FRY: variants seen among roughly 807,000 people sequenced by gnomAD.
FRY encodes FRY microtubule binding protein.
FRY carries 128 observed loss-of-function variants against 348.4 expected under a neutral mutation model. The observed-to-expected ratio is 0.37, with a 90% CI of 0.32 to 0.43. FRY has a LOEUF of 0.43. Ranked by LOEUF, FRY falls within the 20% of genes least tolerant of loss-of-function variation. FRY has a pLI of 1.00. For missense variants in FRY, 2,736 were observed against 3,695.2 expected (o/e 0.74, Z 6.73); for synonymous variants, 1,370 against 1,374.7 (o/e 1.00, Z 0.08).
intron 60 of FRY, 57 bp from the exon 61 acceptor site, chr13:32,295,145 G>A: frequency 1.3e-6 from 2 of 1,538,138 alleles, no homozygotes; most frequent in East Asian, 2.2e-5. Flanking sequence ...AGACTCATAA[G>A]CTCCCAACTT....
Position 32,237,742 on chromosome 13 carries a change from T to G in FRY, c.6174T>G (p.Phe2058Leu). The G allele has an allele frequency of 6.2e-7, 1 of 1,614,170 alleles. No individual in the cohort carries two copies. Among genetic ancestry groups the G allele is most frequent in the Non-Finnish European group, 8.5e-7 (1 of 1,180,030 alleles). ...CCTTGATGGAGTCTGATTTTGAGTT[T>G]GAATACTTAATGGCCTTAAGGCTGT... ...TVALMESDFE[F>L]EYLMALRLLS... Residue 2058 changes from phenylalanine to leucine, a missense_variant, in exon 44 of 61, where the codon TTT becomes TTG. By Grantham distance (22) the Phe-to-Leu change is conservative. This residue lies in a region of FRY where 789 missense variants were observed against 996.2 expected (regional missense o/e 0.79). Coordinates refer to ENST00000542859, the MANE Select transcript of FRY (RefSeq NM_023037.3). The surrounding 1 kb of genome is among the most constrained non-coding windows in gnomAD (Gnocchi z 6.3).
intron 4 of FRY, among the ~76,000 whole-genome samples, chr13:32,124,002 T>G (rs1290812656): frequency 1.3e-5 from 2 of 152,110 alleles, no homozygotes; most frequent in African/African-American, 4.8e-5. Flanking sequence ...GCCACCTGGC[T>G]AATTTTTGTA....
At chr13:32,243,621 T>C (rs1177978254) in intron 46 of FRY, among the ~76,000 whole-genome samples, 3 of 152,226 alleles carry the variant, frequency 2.0e-5, no homozygotes, top group Non-Finnish European at 2.9e-5. Flanking sequence ...AGATTTTATC[T>C]TTTGTTTGAA....
intron 4 of FRY, among the ~76,000 whole-genome samples, chr13:32,119,557 C>G (rs1878518966): frequency 6.6e-6 from 1 of 152,264 alleles, no homozygotes; most frequent in Non-Finnish European, 1.5e-5. Flanking sequence ...CCTCTGGCCA[C>G]TTGTAAAGAC....
rs774579512 is a variant in FRY, at chr13:32,237,456, C to T, written c.5888C>T (p.Pro1963Leu). ...RKSTGQLNMN[P>L]GTTSGNTATA... ...AGCACAGGACAACTAAACATGAACCCGGGAACCACCAGCGGCAACACCGCA... is the reference window on the plus strand; with the variant it reads ...AGCACAGGACAACTAAACATGAACCTGGGAACCACCAGCGGCAACACCGCA... The change falls in exon 44 of 61, where the codon CCG becomes CTG. Residue 1963 changes from proline to leucine, a missense_variant. Pro to Leu is a moderately conservative substitution (Grantham distance 98, BLOSUM62 -3). Around this residue, in one of 9 missense-constraint regions of FRY, gnomAD observed 794 missense variants for 977.0 expected, o/e 0.81. Coordinates refer to ENST00000542859, the MANE Select transcript of FRY (RefSeq NM_023037.3). This position sits in a 1 kb window ranked among gnomAD's most constrained non-coding sequence, Gnocchi z 6.3. The T allele has an allele frequency of 4.3e-6, 7 of 1,613,872 alleles. No individual in the cohort carries two copies. The highest frequency in any genetic ancestry group is 2.7e-5 in the African/African-American group (2 of 74,872).
intron 29 of FRY, among the ~76,000 whole-genome samples, chr13:32,199,507 A>G (rs1050325408): frequency 6.6e-6 from 1 of 152,180 alleles, no homozygotes; most frequent in African/African-American, 2.4e-5. Flanking sequence ...CTGTATATAG[A>G]CTTGGAAGAC....
chr13:32,152,224 C>A (rs1880840457), intron 14 of FRY, among the ~76,000 whole-genome samples: 1 of 152,108 alleles, frequency 6.6e-6, no homozygotes, highest in Non-Finnish European at 1.5e-5. Flanking sequence ...TAATAATAAA[C>A]CCAATTAAAA....
intron 2 of FRY, among the ~76,000 whole-genome samples, chr13:32,098,775 T>G (rs1386197893): frequency 6.6e-6 from 1 of 152,048 alleles, no homozygotes; most frequent in Non-Finnish European, 1.5e-5. Context: ...GAACCCTCAG[T>G]CACTGTTGAG....
At chr13:32,063,185 A>C (rs1406818590) in intron 1 of FRY, among the ~76,000 whole-genome samples, 3 of 152,156 alleles carry the variant, frequency 2.0e-5, no homozygotes, top group Admixed American at 6.5e-5. Flanking sequence ...AGTTGCTGGC[A>C]CTGTCTTTGG....
intron 40 of FRY, 68 bp from the exon 41 acceptor site, chr13:32,231,111 C>G: frequency 7.3e-7 from 1 of 1,369,128 alleles, no homozygotes; most frequent in Non-Finnish European, 1.0e-6. Flanking sequence ...GGAGTCAGGA[C>G]TGTATGTGTA....
chr13:32,048,944 G>C (rs1873173737), intron 1 of FRY, among the ~76,000 whole-genome samples: 1 of 152,188 alleles, frequency 6.6e-6, no homozygotes, highest in South Asian at 2.1e-4. Flanking sequence ...TACATGTGTA[G>C]GGTACTGTGG....
chr13:32,102,799 T>G (rs2138636290), intron 3 of FRY, among the ~76,000 whole-genome samples: 1 of 152,342 alleles, frequency 6.6e-6, no homozygotes, highest in Admixed American at 6.5e-5. Context: ...TTGTGAAGTT[T>G]CCTAAACTTT....
intron 2 of FRY, among the ~76,000 whole-genome samples, chr13:32,101,343 A>G (rs1877151093): frequency 6.6e-6 from 1 of 152,180 alleles, no homozygotes; most frequent in Non-Finnish European, 1.5e-5. Context: ...ATATATATGT[A>G]GCACATTTTC....
chr13:32,295,956 C>G lies in FRY; in HGVS notation c.*496C>G, dbSNP rs934144461. ...TGAGAAAGGGGCAGGCAAAATGAAGCTGGCCACTGAAAACTGTAAGATGGT... is the reference window on the plus strand; with the variant it reads ...TGAGAAAGGGGCAGGCAAAATGAAGGTGGCCACTGAAAACTGTAAGATGGT... On this transcript the variant is annotated 3_prime_UTR_variant, in exon 61 of 61. Transcript: ENST00000542859. 1 of 171,010 alleles carries G rather than the reference C, an allele frequency of 5.8e-6. No individual in the cohort carries two copies. Among genetic ancestry groups the G allele is most frequent in the Non-Finnish European group, 1.3e-5 (1 of 78,248 alleles). The allele number at this position is 171,010 out of a possible 1,614,324, so 10.6% of individuals were successfully genotyped here. A position where few individuals can be genotyped will look rare whatever the true frequency, so the allele number is the denominator to read the frequency against.
chr13:32,120,226 A>C (rs1878566835), intron 4 of FRY, among the ~76,000 whole-genome samples: 1 of 152,084 alleles, frequency 6.6e-6, no homozygotes, highest in Non-Finnish European at 1.5e-5. Flanking sequence ...TATTATTCAC[A>C]TTTTGTAGAT....
At chr13:32,092,145 T>A (rs1876355448) in intron 2 of FRY, among the ~76,000 whole-genome samples, 1 of 152,208 alleles carries the variant, frequency 6.6e-6, no homozygotes, top group African/African-American at 2.4e-5. Flanking sequence ...AACACATTTT[T>A]AAAAAAGAAA....
intron 3 of FRY, among the ~76,000 whole-genome samples, chr13:32,113,469 A>T (rs772754900): frequency 1.3e-5 from 2 of 152,264 alleles, no homozygotes; most frequent in Non-Finnish European, 2.9e-5. Flanking sequence ...AAACTGCCAA[A>T]GTAAACATTA....
chr13:32,185,258 T>G, intron 26 of FRY, 110 bp downstream of exon 26: 1 of 905,714 alleles, frequency 1.1e-6, no homozygotes, highest in Non-Finnish European at 1.8e-6. Context: ...AGGTCTGGGA[T>G]GGTGAAGTTT....
chr13:32,032,027 C>CTTTCTTTCTTTCTTTCTTTCTTTCTT (rs1566038100), intron 1 of FRY, among the ~76,000 whole-genome samples, 162 bp downstream of exon 1: 299 of 71,576 alleles, frequency 4.2e-3, no homozygotes, highest in African/African-American at 0.012. Flanking sequence ...CTTTCTTTTT[C>CTTTCTTTCTTTCTTTCTTTCTTTCTT]TTTCTTTCTT....
Sources: allele counts gnomAD v4.1 joint callset (sites outside exome capture counted in the v4.1 genomes callset), GRCh38; gene constraint gnomAD v4.1.1; regional missense constraint gnomAD v4.1.1; non-coding constraint Gnocchi (gnomAD v3.1); transcripts MANE v1.5; gene names NCBI Gene and HGNC (gene_info 2026-07-23, HGNC 2026-07-21).